The following HABP4 variants were observed in gnomAD, a reference collection of about 807,000 sequenced individuals.
HABP4 encodes intracellular hyaluronan-binding protein 4.
In HABP4, 32 loss-of-function variants were observed where a neutral mutation model predicts 44.1. That is an observed-to-expected ratio of 0.73 (90% CI 0.55 to 0.97). The LOEUF (loss-of-function observed/expected upper bound fraction) is 0.97, where lower values mean the gene tolerates loss of function less well. Among genes scored for constraint, HABP4 ranks in the 50% least tolerant of loss-of-function variants. The probability of loss-of-function intolerance (pLI) is 0.00; values close to 1 mark genes in which losing one functional copy is unlikely to be tolerated. For synonymous variants in HABP4, 216 were observed against 218.0 expected (o/e 0.99, Z 0.08); for missense variants, 503 against 561.9 (o/e 0.90, Z 1.06).
chr9:96,471,939 G>A (rs1832705413), intron 5 of HABP4, among the ~76,000 whole-genome samples: 1 of 152,078 alleles, frequency 6.6e-6, no homozygotes, highest in African/African-American at 2.4e-5. Context: ...ACAGGCATGT[G>A]CTACCATGCC....
At chr9:96,461,823 G>C (rs766017704) in intron 2 of HABP4, among the ~76,000 whole-genome samples, 5 of 152,140 alleles carry the variant, frequency 3.3e-5, no homozygotes, top group Admixed American at 1.3e-4. Flanking sequence ...GATGAGCAAA[G>C]ATCAAATTTT....
Position 96,471,906 on chromosome 9 carries a change from C to T in HABP4, c.827+812C>T, listed in dbSNP as rs572367456. Among the ~76,000 whole-genome samples the T allele has an allele frequency of 7.0e-4, 107 of 152,298 alleles. 1 individual carries two copies. The Middle Eastern group carries it at 0.01, about 15-fold the overall frequency. On this transcript the variant is annotated intron_variant, in intron 5 of 7. Transcript: ENST00000375249. The stretch of plus-strand genomic sequence containing the variant: ...CCCAGATTCAAGCAATTCTCCTCCT[C>T]AGCCTCCTGAGTAGCTGGGATTACA...
chr9:96,465,807 A>G lies in HABP4; in HGVS notation c.743+29A>G, dbSNP rs1478794663. The G allele has an allele frequency of 5.9e-6, 7 of 1,193,448 alleles. No homozygotes were observed. The South Asian group carries it at 6.1e-5, about 10-fold the overall frequency. 73.9% of individuals were successfully genotyped at this position (1,193,448 alleles called of 1,614,324 possible). On this transcript the variant is annotated intron_variant, in intron 4 of 7. Coordinates refer to ENST00000375249, the MANE Select transcript of HABP4 (RefSeq NM_014282.4). Reference sequence around the variant, plus strand: ...CGGTGTAAGTGTGTGCCCTCTGAGAACCTGCAATTAAGTGGAAATCTCTGG... The same window carrying G: ...CGGTGTAAGTGTGTGCCCTCTGAGAGCCTGCAATTAAGTGGAAATCTCTGG...
At chr9:96,463,195 G>A (rs1034177334) in intron 2 of HABP4, among the ~76,000 whole-genome samples, 4 of 151,970 alleles carry the variant, frequency 2.6e-5, no homozygotes, top group African/African-American at 4.8e-5. Flanking sequence ...ATCCAACTGC[G>A]TTGGCCTCCC....
At chr9:96,466,983 C>G (rs997562015) in intron 4 of HABP4, among the ~76,000 whole-genome samples, 1 of 144,874 alleles carries the variant, frequency 6.9e-6, no homozygotes, top group Non-Finnish European at 1.5e-5. Context: ...AGTGCAATGG[C>G]GCGATCTCGG....
intron 5 of HABP4, among the ~76,000 whole-genome samples, chr9:96,471,851 C>T (rs1451647205): frequency 1.3e-5 from 2 of 152,136 alleles, no homozygotes; most frequent in African/African-American, 2.4e-5. Context: ...AGTGCAATGG[C>T]GCGATCTTGG....
intron 6 of HABP4, among the ~76,000 whole-genome samples, chr9:96,485,148 G>A (rs1197078148): frequency 2.0e-5 from 3 of 152,130 alleles, no homozygotes; most frequent in Non-Finnish European, 2.9e-5. Flanking sequence ...CGCCTCCCGG[G>A]TTCAAGCGAT....
intron 4 of HABP4, among the ~76,000 whole-genome samples, chr9:96,470,456 G>C (rs1411042275): frequency 6.6e-6 from 1 of 152,094 alleles, no homozygotes; most frequent in Non-Finnish European, 1.5e-5. Flanking sequence ...AAAAACAAAA[G>C]TTAATTATTC....
chr9:96,451,851 T>C (rs1455434266), intron 1 of HABP4, among the ~76,000 whole-genome samples: 1 of 152,234 alleles, frequency 6.6e-6, no homozygotes, highest in Non-Finnish European at 1.5e-5. Context: ...ATCCTGTTTT[T>C]TATCTTTTTC....
Position 96,465,693 on chromosome 9 carries a change from A to AT in HABP4, c.675-15dup. 6.4e-7 allele frequency: 1 copy of AT among 1,553,674 alleles called. No homozygotes were observed. On this transcript the variant is annotated splice_polypyrimidine_tract_variant and intron_variant, in intron 3 of 7. Coordinates refer to ENST00000375249, the MANE Select transcript of HABP4 (RefSeq NM_014282.4). Reference sequence around the variant, plus strand: ...AGACTAGCTTCTGGTTTAAGGGACTATTCTTTCTTTCCGTAGAGCAGTCAG... The same window carrying AT: ...AGACTAGCTTCTGGTTTAAGGGACTATTTCTTTCTTTCCGTAGAGCAGTCAG...
At chr9:96,471,838 T>C (rs1408421774) in intron 5 of HABP4, among the ~76,000 whole-genome samples, 1 of 152,180 alleles carries the variant, frequency 6.6e-6, no homozygotes, top group Non-Finnish European at 1.5e-5. Context: ...TTGCCCAGGC[T>C]GGAGTGCAAT....
intron 5 of HABP4, among the ~76,000 whole-genome samples, chr9:96,473,596 C>G (rs1832731552): frequency 6.6e-6 from 1 of 152,148 alleles, no homozygotes; most frequent in Non-Finnish European, 1.5e-5. Context: ...TCTTCCTGTC[C>G]TTTTTCTGTC....
At chr9:96,466,170 G>A (rs1832598208) in intron 4 of HABP4, among the ~76,000 whole-genome samples, 1 of 152,082 alleles carries the variant, frequency 6.6e-6, no homozygotes. Context: ...GGGAGTTTGA[G>A]ACCAGCCTGT....
At chr9:96,465,272 A>G in intron 2 of HABP4, 65 bp from the exon 3 acceptor site, 2 of 1,030,406 alleles carry the variant, frequency 1.9e-6, no homozygotes, top group Admixed American at 2.1e-5. Flanking sequence ...TTCTTTTAGA[A>G]TTTTTTTCTG....
At chr9:96,487,939 A>G in intron 6 of HABP4, 150 bp from the exon 7 acceptor site, 1 of 635,242 alleles carries the variant, frequency 1.6e-6, no homozygotes, top group South Asian at 1.9e-5. Flanking sequence ...CCAGCTCTGC[A>G]GCCCAGGGCC....
chr9:96,465,877 T>TA, intron 4 of HABP4, 99 bp downstream of exon 4: 1 of 711,372 alleles, frequency 1.4e-6, no homozygotes, highest in Admixed American at 2.3e-5. Flanking sequence ...TTGTGCTTTA[T>TA]ACTTGTGTGC....
At chr9:96,467,434 T>C (rs1394562956) in intron 4 of HABP4, among the ~76,000 whole-genome samples, 1 of 152,112 alleles carries the variant, frequency 6.6e-6, no homozygotes. Context: ...TTATTTTACT[T>C]TGATAATATA....
At chr9:96,466,261 C>G (rs1832599959) in intron 4 of HABP4, among the ~76,000 whole-genome samples, 1 of 151,930 alleles carries the variant, frequency 6.6e-6, no homozygotes, top group African/African-American at 2.4e-5. Context: ...TCCCAGCTAC[C>G]CAGGAGGCTG....
At position 96,450,462 on chromosome 9, in the gene HABP4, GGCGGCGGCGGCCGGGGCCGGTCCCC is replaced by G; in HGVS notation, c.192_216del (p.Ala65GlyfsTer110). 1.6e-6 allele frequency: 2 copies of G among 1,231,292 alleles called. No homozygotes were observed. The highest frequency in any genetic ancestry group is 2.0e-6 in the Non-Finnish European group (2 of 982,328). The allele number at this position is 1,231,292 out of a possible 1,614,324, so 76.3% of individuals were successfully genotyped here. ...TGCAGCGCAAGAGGCGCGACGAGGCGGCGGCGGCGGCCGGGGCCGGTCCCCGCGGCGGCAGGAGCCCAGCCGGGGC... is the reference window on the plus strand; with the variant it reads ...TGCAGCGCAAGAGGCGCGACGAGGCGGCGGCGGCAGGAGCCCAGCCGGGGC... On this transcript the variant is annotated frameshift_variant, in exon 1 of 8. Transcript: ENST00000375249. LOFTEE classifies it high-confidence loss of function. This position sits in a 1 kb window ranked among gnomAD's most constrained non-coding sequence, Gnocchi z 4.8.
Sources: gnomAD v4.1 joint callset for allele counts (sites outside exome capture counted in the v4.1 genomes callset) on GRCh38, gnomAD v4.1.1 for gene constraint, Gnocchi (gnomAD v3.1) non-coding constraint, MANE v1.5 for transcripts, NCBI Gene and HGNC (gene_info 2026-07-23, HGNC 2026-07-21) for gene names.